ANTXR1: variants seen among roughly 807,000 people sequenced by gnomAD.
ANTXR1 encodes the protein anthrax toxin receptor 1.
Under a neutral mutation model 78.1 loss-of-function variants are expected in ANTXR1, and 19 were observed. The observed-to-expected ratio is 0.24, with a 90% CI of 0.17 to 0.36. The LOEUF is 0.36. Ranked by LOEUF, ANTXR1 falls within the 10% of genes least tolerant of loss-of-function variation. The probability of loss-of-function intolerance (pLI) is 1.00; values close to 1 mark genes in which losing one functional copy is unlikely to be tolerated. For missense variants in ANTXR1, 518 were observed against 718.6 expected (o/e 0.72, Z 3.19); for synonymous variants, 273 against 260.5 (o/e 1.05, Z -0.46).
chr2:69,237,324 G>A (rs1051866201), intron 17 of ANTXR1, among the ~76,000 whole-genome samples: 4 of 152,216 alleles, frequency 2.6e-5, no homozygotes, highest in Non-Finnish European at 4.4e-5. Context: ...AGGCTATTAT[G>A]AGATTTATAG....
Position 69,151,258 on chromosome 2 carries a change from T to C in ANTXR1, c.952-911T>C, listed in dbSNP as rs191030181. 2.7e-3 allele frequency among the ~76,000 whole-genome samples: 409 copies of C among 150,152 alleles called. 3 individuals are homozygous for C. The highest frequency in any genetic ancestry group is 9.7e-3 in the African/African-American group (396 of 40,864). ...CCAGGCTGGAGTGCAGTGGTGATTA[T>C]TTTCTTAGACTAAAAGTGGAATAGC... On this transcript the variant is annotated intron_variant, in intron 12 of 17. Coordinates refer to ENST00000303714, the MANE Select transcript of ANTXR1 (RefSeq NM_032208.3).
At chr2:69,153,329 T>C (rs1392374368) in intron 13 of ANTXR1, among the ~76,000 whole-genome samples, 2 of 151,870 alleles carry the variant, frequency 1.3e-5, no homozygotes, top group African/African-American at 4.8e-5. Context: ...GACAGAGCAC[T>C]GGACTTGAAA....
chr2:69,073,922 A>G (rs967470571), intron 6 of ANTXR1, among the ~76,000 whole-genome samples: 8 of 152,254 alleles, frequency 5.3e-5, no homozygotes, highest in African/African-American at 9.6e-5. Context: ...AGAGGAGTTA[A>G]TGGTAGCATC....
chr2:69,191,528 AT>A (rs1354634464), intron 16 of ANTXR1, among the ~76,000 whole-genome samples: 1 of 152,178 alleles, frequency 6.6e-6, no homozygotes, highest in Non-Finnish European at 1.5e-5. Flanking sequence ...TACATTTTAC[AT>A]TTTGGCCCAG....
At chr2:69,223,389 G>A (rs184178705) in intron 17 of ANTXR1, among the ~76,000 whole-genome samples, 30 of 152,206 alleles carry the variant, frequency 2.0e-4, no homozygotes, top group Non-Finnish European at 3.1e-4. Flanking sequence ...CTTTTGTTTG[G>A]TAACTTTTCT....
intron 1 of ANTXR1, among the ~76,000 whole-genome samples, chr2:69,029,044 C>CG (rs1027654187): frequency 1.4e-5 from 2 of 147,730 alleles, no homozygotes; most frequent in African/African-American, 5.0e-5. Context: ...TGTTGAGACC[C>CG]CCCCCCCTCC....
At chr2:69,175,800 G>C (rs904849157) in intron 14 of ANTXR1, among the ~76,000 whole-genome samples, 1 of 152,100 alleles carries the variant, frequency 6.6e-6, no homozygotes, top group African/African-American at 2.4e-5. Flanking sequence ...GTGAACAATA[G>C]GCACCTGGCT....
At chr2:69,135,419 C>T (rs1672882708) in intron 12 of ANTXR1, among the ~76,000 whole-genome samples, 1 of 151,906 alleles carries the variant, frequency 6.6e-6, no homozygotes, top group African/African-American at 2.4e-5. Flanking sequence ...TATAATGGAC[C>T]AAACTCAGCA....
intron 1 of ANTXR1, among the ~76,000 whole-genome samples, chr2:69,016,973 G>A (rs755087787): frequency 1.3e-5 from 2 of 152,172 alleles, no homozygotes; most frequent in African/African-American, 4.8e-5. Flanking sequence ...ACCCAAAAAT[G>A]CTCCAGGAAA....
At chr2:69,046,657 G>A (rs1027805279) in intron 3 of ANTXR1, among the ~76,000 whole-genome samples, 23 of 152,312 alleles carry the variant, frequency 1.5e-4, no homozygotes, top group African/African-American at 4.6e-4. Flanking sequence ...TCAGCCTATG[G>A]AAGAAATGTG....
At chr2:69,041,686 T>C (rs954521818) in intron 2 of ANTXR1, among the ~76,000 whole-genome samples, 1 of 152,218 alleles carries the variant, frequency 6.6e-6, no homozygotes, top group Non-Finnish European at 1.5e-5. Context: ...ACAACATCTT[T>C]CTCAGTTCCC....
chr2:69,152,375 G>GCATTT lies in ANTXR1; in HGVS notation c.1047+112_1047+116dup, dbSNP rs1573936997. On this transcript the variant is annotated intron_variant, in intron 13 of 17. Coordinates refer to ENST00000303714, the MANE Select transcript of ANTXR1 (RefSeq NM_032208.3). Reference sequence around the variant, plus strand: ...AAACTAAAGATGGGAGACAAATCTTGCATTTTTTATACAATTTATACAAAA... The same window carrying GCATTT: ...AAACTAAAGATGGGAGACAAATCTTGCATTTCATTTTTTATACAATTTATACAAAA... 1.5e-5 allele frequency: 17 copies of GCATTT among 1,117,068 alleles called. No individual in the cohort carries two copies. The East Asian group carries it at 4.1e-4, about 27-fold the overall frequency. 69.2% of individuals were successfully genotyped at this position (1,117,068 alleles called of 1,614,324 possible).
intron 17 of ANTXR1, among the ~76,000 whole-genome samples, chr2:69,243,829 A>T (rs535803259): frequency 2.0e-5 from 3 of 152,304 alleles, no homozygotes; most frequent in East Asian, 3.9e-4. Flanking sequence ...CAGGCCCAGC[A>T]TAGAGGGCAG....
At chr2:69,218,612 T>C (rs1386600098) in intron 17 of ANTXR1, among the ~76,000 whole-genome samples, 1 of 152,158 alleles carries the variant, frequency 6.6e-6, no homozygotes, top group East Asian at 1.9e-4. Context: ...CATTCCTTCT[T>C]CCTAAAGCAC....
chr2:69,164,859 A>G (rs1332588761), intron 13 of ANTXR1, among the ~76,000 whole-genome samples: 1 of 152,274 alleles, frequency 6.6e-6, no homozygotes, highest in Admixed American at 6.5e-5. Flanking sequence ...CGGGGACACC[A>G]AAATTTTTAG....
intron 8 of ANTXR1, among the ~76,000 whole-genome samples, chr2:69,086,675 C>CAT (rs60676011): frequency 6.6e-6 from 1 of 152,144 alleles, no homozygotes; most frequent in African/African-American, 2.4e-5. Flanking sequence ...ATGTGAACCA[C>CAT]GGTCCACGCC....
At chr2:69,244,014 G>A (rs959283846) in intron 17 of ANTXR1, among the ~76,000 whole-genome samples, 13 of 152,268 alleles carry the variant, frequency 8.5e-5, no homozygotes, top group African/African-American at 1.9e-4. Context: ...GAGAGCTCAC[G>A]CCAGCATGGA....
Position 69,182,640 on chromosome 2 carries a change from A to C in ANTXR1, c.1333A>C (p.Lys445Gln), listed in dbSNP as rs756370401. 1 of 1,614,152 alleles carries C rather than the reference A, an allele frequency of 6.2e-7. No individual in the cohort carries two copies. Residue 445 changes from lysine to glutamine, a missense_variant, in exon 16 of 18, where the codon AAG becomes CAG. Physicochemically the swap from Lys to Gln is moderately conservative, Grantham distance 53 (BLOSUM62 1). Transcript: ENST00000303714. ...NNMRRPSSPR[K>Q]WYSPIKGKLD... ...TATGCGTCGGCCTTCTTCCCCCCGG[A>C]AGTGGTACTCTCCAATCAAGGTGTG...
chr2:69,193,446 C>T (rs781275333), intron 17 of ANTXR1, 31 bp downstream of exon 17: 4 of 1,273,570 alleles, frequency 3.1e-6, no homozygotes, highest in Middle Eastern at 3.7e-4. Flanking sequence ...AATGGTGTCT[C>T]TCTCTCTCTC....
Sources: gnomAD v4.1 joint callset for allele counts (sites outside exome capture counted in the v4.1 genomes callset) on GRCh38, gnomAD v4.1.1 for gene constraint, MANE v1.5 for transcripts, NCBI Gene and HGNC (gene_info 2026-07-23, HGNC 2026-07-21) for gene names.